NOL4: variants seen among roughly 807,000 people sequenced by gnomAD.
The protein encoded by NOL4 is nucleolar protein 4.
NOL4 carries 17 observed loss-of-function variants against 75.9 expected under a neutral mutation model. The observed-to-expected ratio is 0.22, with a 90% CI of 0.15 to 0.34. The LOEUF (loss-of-function observed/expected upper bound fraction) is 0.34, where lower values mean the gene tolerates loss of function less well. NOL4 is among the 10% of genes least tolerant of loss of function. The pLI, the probability that NOL4 is intolerant of heterozygous loss-of-function variation, is 1.00. For synonymous variants in NOL4, 292 were observed against 289.9 expected, an observed-to-expected ratio of 1.01 and a Z score of -0.07; for missense variants, 614 against 793.5, an observed-to-expected ratio of 0.77 and a Z score of 2.72.
At chr18:33,898,867 A>G (rs1422025078) in intron 9 of NOL4, among the ~76,000 whole-genome samples, 2 of 151,998 alleles carry the variant, frequency 1.3e-5, no homozygotes, top group East Asian at 3.9e-4. Context: ...TGCCAGCCAC[A>G]TTTTCTGTCA....
chr18:34,043,796 C>T (rs2076242768), intron 5 of NOL4, among the ~76,000 whole-genome samples: 1 of 151,682 alleles, frequency 6.6e-6, no homozygotes. Context: ...ATCATAATAC[C>T]CTCTTCAGTG....
At chr18:34,000,933 G>C (rs1402422066) in intron 6 of NOL4, among the ~76,000 whole-genome samples, 1 of 152,012 alleles carries the variant, frequency 6.6e-6, no homozygotes, top group African/African-American at 2.4e-5. Context: ...ATTTCATACT[G>C]AATTATTTTC....
At chr18:33,880,053 A>G (rs1270233668) in intron 10 of NOL4, among the ~76,000 whole-genome samples, 1 of 152,126 alleles carries the variant, frequency 6.6e-6, no homozygotes, top group Non-Finnish European at 1.5e-5. Flanking sequence ...ACCGATGGGT[A>G]GAAATTGCAT....
chr18:33,993,897 T>A (rs953941171), intron 6 of NOL4, among the ~76,000 whole-genome samples: 1 of 151,640 alleles, frequency 6.6e-6, no homozygotes, highest in Non-Finnish European at 1.5e-5. Context: ...AAATACAACT[T>A]TTTTAAAAGT....
At chr18:34,167,691 T>A (rs1280592798) in intron 1 of NOL4, among the ~76,000 whole-genome samples, 2 of 152,002 alleles carry the variant, frequency 1.3e-5, no homozygotes, top group African/African-American at 4.8e-5. Flanking sequence ...AAATAAATGC[T>A]AAAATGAAAC....
intron 1 of NOL4, among the ~76,000 whole-genome samples, chr18:34,184,100 C>T (rs1276251300): frequency 6.6e-6 from 1 of 151,628 alleles, no homozygotes; most frequent in Non-Finnish European, 1.5e-5. Flanking sequence ...CATACACTTA[C>T]ACACACACAC....
chr18:33,894,096 A>G (rs1325619888), intron 9 of NOL4, among the ~76,000 whole-genome samples: 4 of 152,146 alleles, frequency 2.6e-5, no homozygotes, highest in African/African-American at 9.6e-5. Flanking sequence ...TTTCATATAT[A>G]AACTACTGGA....
At chr18:33,908,876 T>G (rs2066224746) in intron 9 of NOL4, among the ~76,000 whole-genome samples, 2 of 152,154 alleles carry the variant, frequency 1.3e-5, no homozygotes, top group African/African-American at 2.4e-5. Flanking sequence ...TACTATGCTC[T>G]TTGTTAATAT....
At chr18:33,915,188 T>C (rs760959125) in intron 9 of NOL4, among the ~76,000 whole-genome samples, 3 of 152,092 alleles carry the variant, frequency 2.0e-5, no homozygotes, top group African/African-American at 7.2e-5. Flanking sequence ...AACTAAGAAA[T>C]AGACCATTGG....
rs59933877 is a variant in NOL4, at chr18:33,869,105, T to C, written c.1723+14139A>G. Among the ~76,000 whole-genome samples, 843 of 152,000 alleles carry C rather than the reference T, an allele frequency of 5.5e-3. 13 individuals are homozygous for C. Among genetic ancestry groups the C allele is most frequent in the African/African-American group, 0.019 (793 of 41,514 alleles). ...ATGATATGTCATCTGTATTCACATATTTTAAGTCCCTCAAATTTTACTGTA... is the reference window on the plus strand; with the variant it reads ...ATGATATGTCATCTGTATTCACATACTTTAAGTCCCTCAAATTTTACTGTA... On this transcript the variant is annotated intron_variant, in intron 10 of 10. Transcript: ENST00000261592.
intron 5 of NOL4, among the ~76,000 whole-genome samples, chr18:34,075,551 G>A (rs1471053441): frequency 1.3e-5 from 2 of 152,106 alleles, no homozygotes; most frequent in African/African-American, 2.4e-5. Context: ...AGACTTTTGA[G>A]CATTTTGGGT....
chr18:34,207,194 G>A (rs1283926999), intron 1 of NOL4, among the ~76,000 whole-genome samples: 1 of 152,068 alleles, frequency 6.6e-6, no homozygotes, highest in African/African-American at 2.4e-5. Flanking sequence ...ACTCAGGGTT[G>A]ACATCTTCTG....
intron 5 of NOL4, among the ~76,000 whole-genome samples, chr18:34,049,657 G>A (rs760600524): frequency 1.3e-5 from 2 of 151,880 alleles, no homozygotes; most frequent in Non-Finnish European, 2.9e-5. Flanking sequence ...TAATTTCCCC[G>A]TAATCTTTTC....
At chr18:33,856,163 T>A (rs999219186) in intron 10 of NOL4, among the ~76,000 whole-genome samples, 2 of 152,048 alleles carry the variant, frequency 1.3e-5, no homozygotes, top group Admixed American at 1.3e-4. Context: ...AATCAGTGAC[T>A]GATGGATGTT....
chr18:33,900,583 T>G (rs540421547), intron 9 of NOL4, among the ~76,000 whole-genome samples: 1 of 152,220 alleles, frequency 6.6e-6, no homozygotes, highest in Admixed American at 6.5e-5. Context: ...CTAGCTAAAA[T>G]GTAAACATTG....
At chr18:34,130,148 A>T in intron 1 of NOL4, 128 bp from the exon 2 acceptor site, 1 of 792,974 alleles carries the variant, frequency 1.3e-6, no homozygotes, top group Non-Finnish European at 1.8e-6. Flanking sequence ...AAACGTCAAA[A>T]ATTCATGAAT....
At chr18:33,858,816 G>A (rs2062956434) in intron 10 of NOL4, among the ~76,000 whole-genome samples, 1 of 151,838 alleles carries the variant, frequency 6.6e-6, no homozygotes, top group Non-Finnish European at 1.5e-5. Context: ...TTTTTAATGG[G>A]CAGATTTTTA....
At chr18:34,158,388 A>G (rs2030825883) in intron 1 of NOL4, among the ~76,000 whole-genome samples, 1 of 152,174 alleles carries the variant, frequency 6.6e-6, no homozygotes, top group African/African-American at 2.4e-5. Flanking sequence ...GCTGAGTGTA[A>G]GTAGTCGAAT....
intron 6 of NOL4, among the ~76,000 whole-genome samples, chr18:34,014,818 G>A (rs1224797633): frequency 6.6e-6 from 1 of 152,020 alleles, no homozygotes. Context: ...GAGTTAATTT[G>A]CATAATAATA....
Sources: gnomAD v4.1 joint callset for allele counts (sites outside exome capture counted in the v4.1 genomes callset) on GRCh38, gnomAD v4.1.1 for gene constraint, MANE v1.5 for transcripts, NCBI Gene and HGNC (gene_info 2026-07-23, HGNC 2026-07-21) for gene names.